Variants in FAM220A observed in about 807,000 individuals in gnomAD.
FAM220A encodes family with sequence similarity 220 member A.
For synonymous variants in FAM220A, 141 were observed against 130.7 expected (o/e 1.08, Z -0.54); for missense variants, 392 against 321.6 (o/e 1.22, Z -1.68).
chr7:6,338,860 G>T (rs1166109954), intron 1 of FAM220A, among the ~76,000 whole-genome samples: 1 of 152,200 alleles, frequency 6.6e-6, no homozygotes, highest in Non-Finnish European at 1.5e-5. Context: ...TCCCAAAGGG[G>T]AGAAGACACA....
chr7:6,332,504 G>T (rs1408596650), intron 1 of FAM220A, among the ~76,000 whole-genome samples: 2 of 152,090 alleles, frequency 1.3e-5, no homozygotes, highest in Admixed American at 6.6e-5. Flanking sequence ...TTTGACACAT[G>T]ATGTGTTCAC....
chr7:6,333,396 T>C (rs1013481967), intron 1 of FAM220A, among the ~76,000 whole-genome samples: 1 of 151,968 alleles, frequency 6.6e-6, no homozygotes, highest in Non-Finnish European at 1.5e-5. Context: ...AGACTGCAAA[T>C]GGTTCAGAAT....
At chr7:6,333,330 A>G (rs1781677053) in intron 1 of FAM220A, among the ~76,000 whole-genome samples, 1 of 152,110 alleles carries the variant, frequency 6.6e-6, no homozygotes, top group Non-Finnish European at 1.5e-5. Context: ...TTCAGCAAGG[A>G]CAGGATGGCT....
chr7:6,334,664 A>G (rs1038948931), intron 1 of FAM220A, among the ~76,000 whole-genome samples: 1 of 151,874 alleles, frequency 6.6e-6, no homozygotes, highest in Admixed American at 6.6e-5. Context: ...ATGGGGTTCC[A>G]CGAGTTGCCC....
intron 1 of FAM220A, among the ~76,000 whole-genome samples, chr7:6,347,898 A>ATTC (rs1781984880): frequency 6.9e-6 from 1 of 144,966 alleles, no homozygotes; most frequent in South Asian, 2.2e-4. Flanking sequence ...TATTATTATT[A>ATTC]TTATTATTAT....
At chr7:6,340,173 C>A (rs1781822860) in intron 1 of FAM220A, among the ~76,000 whole-genome samples, 1 of 152,144 alleles carries the variant, frequency 6.6e-6, no homozygotes, top group African/African-American at 2.4e-5. Context: ...GCATGAGCTA[C>A]CGCGCCCGGC....
At chr7:6,345,229 C>A (rs552321526) in intron 1 of FAM220A, among the ~76,000 whole-genome samples, 1 of 151,486 alleles carries the variant, frequency 6.6e-6, no homozygotes, top group East Asian at 2.0e-4. Flanking sequence ...GCGATCCTCC[C>A]ACCTCTGCCT....
At position 6,331,163 on chromosome 7, in the gene FAM220A, T is replaced by A. The variant is rs577930788; in HGVS notation, c.-9A>T. On this transcript the variant is annotated 5_prime_UTR_variant, in exon 2 of 2. Transcript: ENST00000313324. ...CCTCTTCTGTCCCTCATGCTTCGTG[T>A]TCTTGGATGCGGTGGGCCTGAGGTC... is the stretch of plus-strand genomic sequence containing the variant. 1 of 1,606,618 alleles carries A rather than the reference T, an allele frequency of 6.2e-7. No homozygotes were observed. The highest frequency in any genetic ancestry group is 1.7e-5 in the Admixed American group (1 of 59,364).
intron 1 of FAM220A, among the ~76,000 whole-genome samples, chr7:6,346,139 T>C (rs1237365555): frequency 6.6e-6 from 1 of 152,068 alleles, no homozygotes; most frequent in African/African-American, 2.4e-5. Context: ...TGGTGCTGAC[T>C]AGATACGGCA....
rs1175234636 is a variant in FAM220A, at chr7:6,331,107, C to T, written c.48G>A (p.Gln16=). ...TGTCCGAGTCACCTCCTCCGGCCTG[C>T]TGCACTTGTGCCAGGCAGGTGCCGA... ...GPLGTCLAQV[Q]QAGGGDSDKL... Residue 16 remains glutamine, a synonymous_variant, in exon 2 of 2, where the codon CAG becomes CAA. Coordinates refer to ENST00000313324, the MANE Select transcript of FAM220A (RefSeq NM_001037163.2). The T allele has an allele frequency of 6.2e-7, 1 of 1,613,378 alleles. No individual in the cohort carries two copies. The highest frequency in any genetic ancestry group is 1.1e-5 in the South Asian group (1 of 91,090).
intron 1 of FAM220A, among the ~76,000 whole-genome samples, chr7:6,339,726 C>T (rs1334607279): frequency 1.3e-5 from 2 of 152,152 alleles, no homozygotes; most frequent in Non-Finnish European, 2.9e-5. Context: ...CCACCTCAGC[C>T]TCCCAAAGTG....
intron 1 of FAM220A, among the ~76,000 whole-genome samples, chr7:6,344,357 T>G (rs1255934850): frequency 6.6e-6 from 1 of 152,096 alleles, no homozygotes; most frequent in Non-Finnish European, 1.5e-5. Context: ...GACACCCCAC[T>G]CCCCACCCCC....
intron 1 of FAM220A, among the ~76,000 whole-genome samples, chr7:6,334,328 G>A (rs1781703706): frequency 6.6e-6 from 1 of 151,336 alleles, no homozygotes; most frequent in Admixed American, 6.6e-5. Context: ...CTGAGGTCAG[G>A]AGTTCAAGAC....
At chr7:6,341,261 G>A (rs1019229942) in intron 1 of FAM220A, among the ~76,000 whole-genome samples, 8 of 151,456 alleles carry the variant, frequency 5.3e-5, no homozygotes, top group African/African-American at 1.9e-4. Flanking sequence ...TGGCTAACAC[G>A]GTGAAACCCC....
chr7:6,346,443 T>A (rs1428043863), intron 1 of FAM220A, among the ~76,000 whole-genome samples: 1 of 152,154 alleles, frequency 6.6e-6, no homozygotes, highest in African/African-American at 2.4e-5. Flanking sequence ...CTCGGCTCAC[T>A]GCAACGTCTG....
At chr7:6,336,256 G>A (rs1255589465) in intron 1 of FAM220A, among the ~76,000 whole-genome samples, 1 of 151,982 alleles carries the variant, frequency 6.6e-6, no homozygotes, top group Non-Finnish European at 1.5e-5. Context: ...TGAGGTAGGA[G>A]AGGACTGCTT....
intron 1 of FAM220A, among the ~76,000 whole-genome samples, chr7:6,341,305 TG>T (rs1781852903): frequency 6.6e-6 from 1 of 150,792 alleles, no homozygotes; most frequent in African/African-American, 2.4e-5. Context: ...TGGCTGGGCC[TG>T]GTGGCGGGCG....
chr7:6,333,837 C>G (rs949423134), intron 1 of FAM220A, among the ~76,000 whole-genome samples: 1 of 144,824 alleles, frequency 6.9e-6, no homozygotes, highest in East Asian at 2.0e-4. Flanking sequence ...GAACTCCTGG[C>G]CTCTTTTTTT....
chr7:6,339,315 A>G (rs1185163105), intron 1 of FAM220A, among the ~76,000 whole-genome samples: 1 of 151,840 alleles, frequency 6.6e-6, no homozygotes, highest in Non-Finnish European at 1.5e-5. Context: ...CAAAAAATTA[A>G]AAAATTAGCT....
Sources: allele counts gnomAD v4.1 joint callset (sites outside exome capture counted in the v4.1 genomes callset), GRCh38; gene constraint gnomAD v4.1.1; transcripts MANE v1.5; gene names NCBI Gene and HGNC (gene_info 2026-07-23, HGNC 2026-07-21).